The following ARHGAP35 variants were observed in gnomAD, a reference collection of about 807,000 sequenced individuals.
The protein encoded by ARHGAP35 is Rho GTPase activating protein 35.
In ARHGAP35, 15 loss-of-function variants were observed where a neutral mutation model predicts 111.1. The observed-to-expected ratio is 0.13, with a 90% confidence interval of 0.09 to 0.21. ARHGAP35 has a LOEUF of 0.21. Ranked by LOEUF, ARHGAP35 falls within the 10% of genes least tolerant of loss-of-function variation. The pLI, the probability that ARHGAP35 is intolerant of heterozygous loss-of-function variation, is 1.00. For missense variants in ARHGAP35, 1,262 were observed against 1,873.0 expected, an observed-to-expected ratio of 0.67 and a Z score of 6.02; for synonymous variants, 643 against 710.3, an observed-to-expected ratio of 0.91 and a Z score of 1.51.
At position 47,001,804 on chromosome 19, in the gene ARHGAP35, G is replaced by C. The variant is rs906282529; in HGVS notation, c.*1116G>C. The stretch of plus-strand genomic sequence containing the variant: ...GTGGGGGGTTGGGGACAGCTGGAAG[G>C]TGCCAGGTGCACTTGGGGTTGGGGT... On this transcript the variant is annotated 3_prime_UTR_variant, in exon 7 of 7. Coordinates refer to ENST00000672722, the MANE Select transcript of ARHGAP35 (RefSeq NM_004491.5). This position sits in a 1 kb window ranked among gnomAD's most constrained non-coding sequence, Gnocchi z 5.4. 1 of 217,104 alleles carries C rather than the reference G, an allele frequency of 4.6e-6. No homozygotes were observed. 13.4% of individuals were successfully genotyped at this position (217,104 alleles called of 1,614,324 possible). A position where few individuals can be genotyped will look rare whatever the true frequency, so the allele number is the denominator to read the frequency against.
intron 3 of ARHGAP35, among the ~76,000 whole-genome samples, chr19:46,987,481 C>T (rs1244436020): frequency 6.6e-6 from 1 of 152,134 alleles, no homozygotes; most frequent in Non-Finnish European, 1.5e-5. Flanking sequence ...TTCCAAAGTG[C>T]TGGGATTACA....
intron 1 of ARHGAP35, among the ~76,000 whole-genome samples, chr19:46,874,306 A>G (rs1599792551): frequency 1.3e-5 from 2 of 152,276 alleles, no homozygotes; most frequent in South Asian, 4.1e-4. Flanking sequence ...CACAAGGAAC[A>G]CACTGTTTCT....
chr19:46,934,189 T>A (rs960931405), intron 2 of ARHGAP35, among the ~76,000 whole-genome samples: 10 of 152,242 alleles, frequency 6.6e-5, no homozygotes, highest in African/African-American at 2.2e-4. Flanking sequence ...TGCTCTTTGG[T>A]TATTCAGATT....
At chr19:46,927,705 C>G (rs1452468110) in intron 2 of ARHGAP35, among the ~76,000 whole-genome samples, 1 of 152,096 alleles carries the variant, frequency 6.6e-6, no homozygotes, top group Non-Finnish European at 1.5e-5. Flanking sequence ...ATTCCTCCTC[C>G]CAGTCTTAAT....
rs1351781729 is a variant in ARHGAP35, at chr19:47,000,454, G to A, written c.4266G>A (p.Gln1422=). The change falls in exon 7 of 7, where the codon CAG becomes CAA. Residue 1422 remains glutamine, a synonymous_variant. Transcript: ENST00000672722. This position sits in a 1 kb window ranked among gnomAD's most constrained non-coding sequence, Gnocchi z 6.9. ...MDALTATRTY[Q]TIIELFIQQC... ...CCCTCACAGCCACGCGCACCTACCA[G>A]ACAATCATTGAACTCTTTATCCAGC... The A allele has an allele frequency of 3.1e-6, 5 of 1,613,734 alleles. No individual in the cohort carries two copies. Among genetic ancestry groups the A allele is most frequent in the Non-Finnish European group, 4.2e-6 (5 of 1,179,866 alleles).
chr19:46,961,727 C>G (rs1044893680), intron 3 of ARHGAP35, among the ~76,000 whole-genome samples: 1 of 152,110 alleles, frequency 6.6e-6, no homozygotes. Context: ...GTCAGGAGTT[C>G]AAGACCAGCC....
At chr19:46,876,893 C>A (rs1189972785) in intron 1 of ARHGAP35, among the ~76,000 whole-genome samples, 3 of 152,074 alleles carry the variant, frequency 2.0e-5, no homozygotes, top group Non-Finnish European at 1.5e-5. Context: ...CAGACTACTG[C>A]AATAAAGCAT....
intron 1 of ARHGAP35, among the ~76,000 whole-genome samples, chr19:46,900,404 A>T (rs2056078623): frequency 6.6e-6 from 1 of 152,028 alleles, no homozygotes; most frequent in South Asian, 2.1e-4. Flanking sequence ...TATTTGTAGT[A>T]GAGACGGAGT....
At chr19:46,987,484 G>A (rs1382601815) in intron 3 of ARHGAP35, among the ~76,000 whole-genome samples, 1 of 151,984 alleles carries the variant, frequency 6.6e-6, no homozygotes, top group Non-Finnish European at 1.5e-5. Context: ...CAAAGTGCTG[G>A]GATTACAGGC....
intron 5 of ARHGAP35, among the ~76,000 whole-genome samples, chr19:46,997,025 T>C (rs1246892662): frequency 1.3e-5 from 2 of 152,004 alleles, no homozygotes; most frequent in Non-Finnish European, 2.9e-5. Flanking sequence ...GGCGTGGTGG[T>C]GGGCACCTGT....
At position 46,901,403 on chromosome 19, in the gene ARHGAP35, C is replaced by G. The variant is rs1378760902; in HGVS notation, c.-188-17085C>G. Among the ~76,000 whole-genome samples, 1 of 152,110 alleles carries G rather than the reference C, an allele frequency of 6.6e-6. No homozygotes were observed. Among genetic ancestry groups the G allele is most frequent in the Non-Finnish European group, 1.5e-5 (1 of 68,020 alleles). On this transcript the variant is annotated intron_variant, in intron 1 of 6. Coordinates refer to ENST00000672722, the MANE Select transcript of ARHGAP35 (RefSeq NM_004491.5). The surrounding 1 kb of genome is among the most constrained non-coding windows in gnomAD (Gnocchi z 4.5). ...TGACACCCCATCTCCACTAAAAATA[C>G]AAAAATTAGCTAGGCATGGTGACGC...
At chr19:46,969,388 T>G (rs570420690) in intron 3 of ARHGAP35, among the ~76,000 whole-genome samples, 2 of 152,308 alleles carry the variant, frequency 1.3e-5, no homozygotes, top group Admixed American at 1.3e-4. Context: ...TTTCACTGAG[T>G]CTGCAGTGGC....
chr19:46,996,250 C>T (rs1239497556), intron 5 of ARHGAP35, among the ~76,000 whole-genome samples: 1 of 152,116 alleles, frequency 6.6e-6, no homozygotes, highest in African/African-American at 2.4e-5. Flanking sequence ...ATTATAGGCA[C>T]ACGCCACCAG....
intron 1 of ARHGAP35, among the ~76,000 whole-genome samples, chr19:46,893,751 T>C (rs1300891941): frequency 6.6e-6 from 1 of 152,060 alleles, no homozygotes; most frequent in African/African-American, 2.4e-5. Flanking sequence ...AGTGATCCTT[T>C]AGCTAGATTG....
intron 2 of ARHGAP35, among the ~76,000 whole-genome samples, chr19:46,923,260 G>A (rs989203305): frequency 6.6e-6 from 1 of 152,014 alleles, no homozygotes; most frequent in Admixed American, 6.6e-5. Flanking sequence ...GCCCGCCACC[G>A]TGCCCAGCTA....
chr19:46,883,198 G>A (rs975890603), intron 1 of ARHGAP35, among the ~76,000 whole-genome samples: 4 of 151,874 alleles, frequency 2.6e-5, no homozygotes, highest in African/African-American at 7.3e-5. Context: ...AGGTTCAAGC[G>A]ATCCTCCTGC....
chr19:46,969,242 C>T (rs762991001), intron 3 of ARHGAP35, among the ~76,000 whole-genome samples: 15 of 152,090 alleles, frequency 9.9e-5, no homozygotes, highest in South Asian at 2.1e-4. Context: ...TCACAGCCAT[C>T]GAATTGGACA....
chr19:46,890,752 G>T lies in ARHGAP35; in HGVS notation c.-188-27736G>T, dbSNP rs76437897. ...TGGAAACACGACAGTGACTGAGGCT[G>T]TAGCTGTGACACATGTATTCAAATG... On this transcript the variant is annotated intron_variant, in intron 1 of 6. Transcript: ENST00000672722. Among the ~76,000 whole-genome samples the T allele has an allele frequency of 9.6e-3, 1,459 of 152,338 alleles. 20 individuals are homozygous for T. The highest frequency in any genetic ancestry group is 0.031 in the African/African-American group (1,289 of 41,570).
chr19:46,891,529 C>T (rs937935959), intron 1 of ARHGAP35, among the ~76,000 whole-genome samples: 2 of 151,582 alleles, frequency 1.3e-5, no homozygotes, highest in African/African-American at 4.8e-5. Context: ...CGGGTTCAAG[C>T]GATTCTCCTT....
Sources: allele counts gnomAD v4.1 joint callset (sites outside exome capture counted in the v4.1 genomes callset), GRCh38; gene constraint gnomAD v4.1.1; non-coding constraint Gnocchi (gnomAD v3.1); transcripts MANE v1.5; gene names NCBI Gene and HGNC (gene_info 2026-07-23, HGNC 2026-07-21).